CAMTA1: variants seen among roughly 807,000 people sequenced by gnomAD.
CAMTA1 encodes the protein calmodulin binding transcription activator 1, also known as calmodulin-binding transcription activator 1.
Under a neutral mutation model 170.9 loss-of-function variants are expected in CAMTA1, and 27 were observed. The ratio of observed to expected loss-of-function variants is 0.16; its 90% CI spans 0.12 to 0.22. The LOEUF (loss-of-function observed/expected upper bound fraction) is 0.22. Ranked by LOEUF, CAMTA1 falls within the 10% of genes least tolerant of loss-of-function variation. The pLI, the probability that CAMTA1 is intolerant of heterozygous loss-of-function variation, is 1.00. For synonymous variants in CAMTA1, 833 were observed against 891.5 expected, an observed-to-expected ratio of 0.93 and a Z score of 1.17; for missense variants, 1,619 against 2,217.2, an observed-to-expected ratio of 0.73 and a Z score of 5.42.
Position 7,387,949 on chromosome 1 carries a change from G to C in CAMTA1, c.439-79881G>C, listed in dbSNP as rs532674824. Among the ~76,000 whole-genome samples the C allele has an allele frequency of 1.8e-4, 28 of 152,200 alleles. No homozygotes were observed. In the East Asian group the frequency reaches 5.0e-3, roughly 27 times the overall value. On this transcript the variant is annotated intron_variant, in intron 5 of 22. Transcript: ENST00000303635. ...CTTTTTGTTGTTGGAGCGGTTTACT[G>C]GGGGAGGCCTTCAGAATCAACATCC...
rs74055152 is a variant in CAMTA1, at chr1:7,580,383, C to T, written c.511-60017C>T. Reference sequence around the variant, plus strand: ...TGAGGGGAACCCAGGGAGGAAGGGGCTCAGATGAAGCAGGTCTGGGGGAGA... The same window carrying T: ...TGAGGGGAACCCAGGGAGGAAGGGGTTCAGATGAAGCAGGTCTGGGGGAGA... On this transcript the variant is annotated intron_variant, in intron 6 of 22. Coordinates refer to ENST00000303635, the MANE Select transcript of CAMTA1 (RefSeq NM_015215.4). This position sits in a 1 kb window ranked among gnomAD's most constrained non-coding sequence, Gnocchi z 4.3. Among the ~76,000 whole-genome samples, 584 of 151,888 alleles carry T rather than the reference C, an allele frequency of 3.8e-3. 5 individuals carry two copies. Among genetic ancestry groups the T allele is most frequent in the African/African-American group, 0.013 (534 of 41,388 alleles).
At position 7,768,614 on chromosome 1, in the gene CAMTA1, TC is replaced by T. The variant is rs2097037834; in HGVS notation, c.*2125del. The T allele has an allele frequency of 6.5e-6, 1 of 152,860 alleles. No homozygotes were observed. Among genetic ancestry groups the T allele is most frequent in the East Asian group, 1.9e-4 (1 of 5,316 alleles). The allele number at this position is 152,860 out of a possible 1,614,324, so 9.5% of individuals were successfully genotyped here. On this transcript the variant is annotated 3_prime_UTR_variant, in exon 23 of 23. Coordinates refer to ENST00000303635, the MANE Select transcript of CAMTA1 (RefSeq NM_015215.4). ...TAATTGTACTTGTTTTTTAATTACT[TC>T]CTTTCACTGCCAACCTCGAATTACT...
intron 6 of CAMTA1, among the ~76,000 whole-genome samples, chr1:7,603,127 T>C (rs552364466): frequency 0.021 from 3,200 of 152,242 alleles, 109 homozygotes; most frequent in African/African-American, 0.074. Flanking sequence ...TTGGAATAGG[T>C]GTGGTGTGGT....
At chr1:7,352,656 C>T (rs1183194984) in intron 5 of CAMTA1, among the ~76,000 whole-genome samples, 2 of 152,218 alleles carry the variant, frequency 1.3e-5, no homozygotes, top group African/African-American at 2.4e-5. Context: ...GCCTCCTGGC[C>T]TCAGCCCAGC....
chr1:7,580,531 C>T lies in CAMTA1; in HGVS notation c.511-59869C>T, dbSNP rs2095251027. On this transcript the variant is annotated intron_variant, in intron 6 of 22. Transcript: ENST00000303635. The surrounding 1 kb of genome is among the most constrained non-coding windows in gnomAD (Gnocchi z 4.3). Reference sequence around the variant, plus strand: ...AGACACACAGCCCTCTTCCCATGAGCCAGGTGGCAGACAGGACACCCGCAC... The same window carrying T: ...AGACACACAGCCCTCTTCCCATGAGTCAGGTGGCAGACAGGACACCCGCAC... Among the ~76,000 whole-genome samples, 1 of 152,048 alleles carries T rather than the reference C, an allele frequency of 6.6e-6. No homozygotes were observed. Among genetic ancestry groups the T allele is most frequent in the Non-Finnish European group, 1.5e-5 (1 of 68,002 alleles).
chr1:7,712,917 G>T (rs143119976), intron 11 of CAMTA1, among the ~76,000 whole-genome samples: 44 of 152,240 alleles, frequency 2.9e-4, no homozygotes, highest in South Asian at 1.2e-3. Flanking sequence ...GATCTCATGA[G>T]TCTTATTCAC....
intron 3 of CAMTA1, among the ~76,000 whole-genome samples, chr1:6,883,060 A>G (rs183742212): frequency 6.6e-6 from 1 of 151,816 alleles, no homozygotes; most frequent in African/African-American, 2.4e-5. Flanking sequence ...TGCCTGGCCA[A>G]TTTTTTTATT....
chr1:7,008,564 C>T (rs1699339029), intron 3 of CAMTA1: 1 of 152,190 alleles, frequency 6.6e-6, no homozygotes, highest in African/African-American at 2.4e-5. Context: ...CTCCACAGAG[C>T]ACCGTGCCAG....
At chr1:7,031,200 T>C (rs1702752277) in intron 3 of CAMTA1, among the ~76,000 whole-genome samples, 1 of 152,030 alleles carries the variant, frequency 6.6e-6, no homozygotes, top group South Asian at 2.1e-4. Context: ...TGTAGATTTG[T>C]CTATTTCTTC....
intron 3 of CAMTA1, among the ~76,000 whole-genome samples, chr1:7,051,268 T>G (rs4908594): frequency 0.5 from 76,677 of 152,012 alleles, 19,790 homozygotes; most frequent in African/African-American, 0.58. Flanking sequence ...CAGTGAGCTG[T>G]TTGGGAGATG....
At chr1:7,712,818 C>T (rs897934121) in intron 11 of CAMTA1, among the ~76,000 whole-genome samples, 1 of 138,716 alleles carries the variant, frequency 7.2e-6, no homozygotes, top group Non-Finnish European at 1.5e-5. Flanking sequence ...ACAATCATGG[C>T]AGAAAGCGAA....
chr1:7,423,358 T>C (rs1422640383), intron 5 of CAMTA1, among the ~76,000 whole-genome samples: 3 of 151,172 alleles, frequency 2.0e-5, no homozygotes, highest in Non-Finnish European at 4.4e-5. Flanking sequence ...TAATCCCAGC[T>C]ACTTGGGAGG....
At chr1:7,689,729 A>G (rs1011661674) in intron 11 of CAMTA1, among the ~76,000 whole-genome samples, 2 of 152,204 alleles carry the variant, frequency 1.3e-5, no homozygotes, top group African/African-American at 4.8e-5. Flanking sequence ...GCTGGCCCCA[A>G]GCCATCGCTG....
chr1:7,544,202 C>G (rs181551587), intron 6 of CAMTA1, among the ~76,000 whole-genome samples: 22 of 152,230 alleles, frequency 1.4e-4, no homozygotes, highest in East Asian at 7.7e-4. Flanking sequence ...TCTTACATGG[C>G]GGTGGCAAGA....
intron 6 of CAMTA1, among the ~76,000 whole-genome samples, chr1:7,593,701 G>C (rs532979076): frequency 6.6e-6 from 1 of 150,826 alleles, no homozygotes; most frequent in Non-Finnish European, 1.5e-5. Flanking sequence ...ATGTTGGCCA[G>C]GCTAGTCTCG....
intron 5 of CAMTA1, among the ~76,000 whole-genome samples, chr1:7,371,197 C>T (rs989689120): frequency 6.6e-6 from 1 of 151,512 alleles, no homozygotes. Flanking sequence ...AGGCGTGAGC[C>T]ACCGTGCCTG....
intron 4 of CAMTA1, among the ~76,000 whole-genome samples, chr1:7,206,107 G>A (rs889659046): frequency 9.9e-5 from 15 of 152,276 alleles, no homozygotes; most frequent in African/African-American, 3.4e-4. Context: ...TGAAGGCTTT[G>A]TAGTATTTTT....
intron 4 of CAMTA1, among the ~76,000 whole-genome samples, chr1:7,247,705 G>A (rs556420693): frequency 2.0e-5 from 3 of 152,106 alleles, no homozygotes; most frequent in Non-Finnish European, 4.4e-5. Flanking sequence ...TGGACCTCAG[G>A]CACCTTCTAA....
At chr1:7,355,539 A>C (rs1033891794) in intron 5 of CAMTA1, among the ~76,000 whole-genome samples, 3 of 152,154 alleles carry the variant, frequency 2.0e-5, no homozygotes, top group Admixed American at 6.5e-5. Flanking sequence ...TACCCCCAAA[A>C]TATAGCTCAA....
Sources: gnomAD v4.1 joint callset for allele counts (sites outside exome capture counted in the v4.1 genomes callset) on GRCh38, gnomAD v4.1.1 for gene constraint, Gnocchi (gnomAD v3.1) non-coding constraint, MANE v1.5 for transcripts, NCBI Gene and HGNC (gene_info 2026-07-23, HGNC 2026-07-21) for gene names.